LIMCH1: variants seen among roughly 807,000 people sequenced by gnomAD.
LIMCH1 encodes LIM and calponin homology domains 1.
In LIMCH1, 113 loss-of-function variants were observed where a neutral mutation model predicts 176.5. The ratio of observed to expected loss-of-function variants is 0.64; its 90% CI spans 0.55 to 0.75. LIMCH1 has a LOEUF of 0.75. Ranked by LOEUF, LIMCH1 falls within the 30% of genes least tolerant of loss-of-function variation. The pLI is 0.00. For synonymous variants in LIMCH1, 619 were observed against 645.9 expected, an observed-to-expected ratio of 0.96 and a Z score of 0.63; for missense variants, 1,674 against 1,814.9, an observed-to-expected ratio of 0.92 and a Z score of 1.41.
chr4:41,543,338 A>G (rs2078923256), intron 1 of LIMCH1, among the ~76,000 whole-genome samples: 1 of 152,180 alleles, frequency 6.6e-6, no homozygotes, highest in African/African-American at 2.4e-5. Flanking sequence ...AAATACATGA[A>G]ATATGTTTGA....
chr4:41,555,395 C>T (rs566859650), intron 1 of LIMCH1, among the ~76,000 whole-genome samples: 5 of 152,240 alleles, frequency 3.3e-5, no homozygotes, highest in African/African-American at 7.2e-5. Context: ...GCTAGTTGAC[C>T]GCCTTCCATT....
intron 1 of LIMCH1, among the ~76,000 whole-genome samples, chr4:41,493,576 A>C (rs2071493152): frequency 6.6e-6 from 1 of 152,196 alleles, no homozygotes; most frequent in Admixed American, 6.5e-5. Flanking sequence ...TGTGTACTGG[A>C]AGATGTGCAT....
At chr4:41,507,844 C>T in intron 2 of LIMCH1, among the ~76,000 whole-genome samples, 1 of 125,356 alleles carries the variant, frequency 8.0e-6, no homozygotes, top group Middle Eastern at 6.6e-3. Flanking sequence ...GCAATCAAAT[C>T]ATGTAATGGT....
Position 41,626,799 on chromosome 4 carries a change from T to A in LIMCH1, c.817T>A (p.Ser273Thr), listed in dbSNP as rs1004299381. 43 of 1,536,250 alleles carry A rather than the reference T, an allele frequency of 2.8e-5. No individual in the cohort carries two copies. The East Asian group carries it at 1.1e-3, about 38-fold the overall frequency. Residue 273 changes from serine (S) to threonine (T), a missense_variant, in exon 8 of 32, where the codon TCA becomes ACA. Transcript: ENST00000503057. ...SFLTHQHGND[S>T]EAEGEVVCRL... ...CCTGACCCACCAACATGGCAACGATTCAGAGGCAGAAGGTGAAGTTGTGTG... is the reference window on the plus strand; with the variant it reads ...CCTGACCCACCAACATGGCAACGATACAGAGGCAGAAGGTGAAGTTGTGTG...
intron 1 of LIMCH1, among the ~76,000 whole-genome samples, chr4:41,474,635 C>T (rs1269846435): frequency 6.6e-6 from 1 of 152,208 alleles, no homozygotes; most frequent in Non-Finnish European, 1.5e-5. Flanking sequence ...TATCACCTCA[C>T]ACCTGTTAGA....
In LIMCH1 at chr4:41,644,593, C is replaced by G; in HGVS notation, c.2220C>G (p.Asn740Lys). Residue 740 changes from asparagine to lysine, a missense_variant, in exon 15 of 32, where the codon AAC becomes AAG. Physicochemically the swap from Asn to Lys is moderately conservative, Grantham distance 94. Around this residue, in one of 3 missense-constraint regions of LIMCH1, gnomAD observed 1,015 missense variants for 1,102.5 expected, o/e 0.92. Transcript: ENST00000503057. ...ARQEQLQLINNQLREEDDKWQ... is the reference protein window; with the variant it reads ...ARQEQLQLINKQLREEDDKWQ... ...AGGAGCAGCTGCAGCTGATAAATAA[C>G]CAGCTGAGGGAAGAGGACGACAAAT... 6.2e-7 allele frequency: 1 copy of G among 1,612,400 alleles called. No homozygotes were observed. Among genetic ancestry groups the G allele is most frequent in the Non-Finnish European group, 8.5e-7 (1 of 1,179,360 alleles).
intron 1 of LIMCH1, among the ~76,000 whole-genome samples, chr4:41,367,684 C>CAAAAAAAAAAAAAAAAA (rs35832745): frequency 1.0e-5 from 1 of 96,530 alleles, no homozygotes; most frequent in Non-Finnish European, 1.9e-5. Flanking sequence ...ACTAAAAATC[C>CAAAAAAAAAAAAAAAAA]AAAAAAAAAA....
intron 1 of LIMCH1, among the ~76,000 whole-genome samples, chr4:41,397,367 G>A (rs1324827948): frequency 2.6e-5 from 4 of 152,102 alleles, no homozygotes; most frequent in Admixed American, 2.6e-4. Context: ...TTTGAGACAG[G>A]TTTATTTGTT....
At chr4:41,692,485 C>A in intron 31 of LIMCH1, 101 bp downstream of exon 31, 2 of 706,338 alleles carry the variant, frequency 2.8e-6, no homozygotes, top group African/African-American at 1.8e-5. Flanking sequence ...GCCGTTGACA[C>A]TCTAATCTGA....
chr4:41,388,946 A>G (rs1364904106), intron 1 of LIMCH1, among the ~76,000 whole-genome samples: 1 of 152,224 alleles, frequency 6.6e-6, no homozygotes, highest in African/African-American at 2.4e-5. Context: ...CCCAGCCCAT[A>G]AAGCTGTTTT....
chr4:41,569,552 A>G lies in LIMCH1; in HGVS notation c.-240-29368A>G, dbSNP rs542568688. Among the ~76,000 whole-genome samples, 4 of 152,314 alleles carry G rather than the reference A, an allele frequency of 2.6e-5. No homozygotes were observed. The South Asian group carries it at 6.2e-4, about 24-fold the overall frequency. On this transcript the variant is annotated intron_variant, in intron 1 of 31. Coordinates refer to ENST00000503057, the MANE Select transcript of LIMCH1 (RefSeq NM_001330672.2). ...AAAAGAATAGGAGGGTCGGCCCTCA[A>G]CAGTCAATTAGGAGATGAGGCACAG...
chr4:41,490,897 G>C (rs947069841), intron 1 of LIMCH1, among the ~76,000 whole-genome samples: 1 of 151,026 alleles, frequency 6.6e-6, no homozygotes, highest in African/African-American at 2.4e-5. Flanking sequence ...CTTCCCAGAC[G>C]GGGCGGCCAG....
At chr4:41,676,327 C>A in intron 22 of LIMCH1, 55 bp from the exon 23 acceptor site, 1 of 1,436,054 alleles carries the variant, frequency 7.0e-7, no homozygotes, top group East Asian at 2.3e-5. Context: ...CTTCACCCGG[C>A]CTGTCCCTTG....
At position 41,692,353 on chromosome 4, in the gene LIMCH1, G is replaced by A. The variant is rs758680682; in HGVS notation, c.4347G>A (p.Leu1449=). 85 of 1,612,568 alleles carry A rather than the reference G, an allele frequency of 5.3e-5. No individual in the cohort carries two copies. Among genetic ancestry groups the A allele is most frequent in the Middle Eastern group, 1.6e-4 (1 of 6,072 alleles). ...GTDVRIRNGL[L]NCNDCYMRSR... Reference sequence around the variant, plus strand: ...ATGTTAGGATTCGAAATGGTCTCCTGAACTGTAATGATTGCTACATGCGAT... The same window carrying A: ...ATGTTAGGATTCGAAATGGTCTCCTAAACTGTAATGATTGCTACATGCGAT... Residue 1449 remains leucine (L), a synonymous_variant, in exon 31 of 32, where the codon CTG becomes CTA. Transcript: ENST00000503057.
At chr4:41,483,827 GGA>G (rs1168490672) in intron 1 of LIMCH1, among the ~76,000 whole-genome samples, 1 of 152,190 alleles carries the variant, frequency 6.6e-6, no homozygotes, top group Non-Finnish European at 1.5e-5. Flanking sequence ...GACTGTCTTA[GGA>G]GAGAGAGTTT....
chr4:41,615,085 T>A (rs188524986), intron 5 of LIMCH1, among the ~76,000 whole-genome samples: 5 of 152,318 alleles, frequency 3.3e-5, no homozygotes, highest in Admixed American at 2.0e-4. Flanking sequence ...ATATGTCATT[T>A]TAAGTGCCCC....
Position 41,656,183 on chromosome 4 carries a change from T to C in LIMCH1, c.3037-5237T>C, listed in dbSNP as rs943020419. ...CTTCCTCTTGAAAATTCAGTACTTATGTTTTCTGATCCAGGAAAACAGACA... is the reference window on the plus strand; with the variant it reads ...CTTCCTCTTGAAAATTCAGTACTTACGTTTTCTGATCCAGGAAAACAGACA... On this transcript the variant is annotated intron_variant, in intron 18 of 31. Transcript: ENST00000503057. Among the ~76,000 whole-genome samples the C allele has an allele frequency of 4.6e-5, 7 of 152,366 alleles. No homozygotes were observed. In the East Asian group the frequency reaches 7.7e-4, roughly 17 times the overall value.
At chr4:41,497,769 T>C (rs985278710) in intron 2 of LIMCH1, among the ~76,000 whole-genome samples, 5 of 149,298 alleles carry the variant, frequency 3.3e-5, no homozygotes, top group Non-Finnish European at 7.4e-5. Context: ...CGTGCTACTG[T>C]ACTCCAGCCT....
chr4:41,557,215 A>G (rs2081387857), intron 1 of LIMCH1, among the ~76,000 whole-genome samples: 1 of 152,172 alleles, frequency 6.6e-6, no homozygotes, highest in South Asian at 2.1e-4. Flanking sequence ...CAATACCAGG[A>G]TGGAGGAGTT....
Sources: gnomAD v4.1 joint callset for allele counts (sites outside exome capture counted in the v4.1 genomes callset) on GRCh38, gnomAD v4.1.1 for gene constraint, gnomAD v4.1.1 regional missense constraint, MANE v1.5 for transcripts, NCBI Gene and HGNC (gene_info 2026-07-23, HGNC 2026-07-21) for gene names.